ME3: variants seen among roughly 807,000 people sequenced by gnomAD.
The protein encoded by ME3 is malic enzyme 3.
Under a neutral mutation model 68.9 loss-of-function variants are expected in ME3, and 48 were observed. The ratio of observed to expected loss-of-function variants is 0.70; its 90% CI spans 0.55 to 0.89. ME3 has a LOEUF of 0.89. ME3 is among the 40% of genes least tolerant of loss of function. The probability of loss-of-function intolerance (pLI) is 0.00; values close to 1 mark genes in which losing one functional copy is unlikely to be tolerated. For missense variants in ME3, 675 were observed against 797.4 expected, an observed-to-expected ratio of 0.85 and a Z score of 1.85; for synonymous variants, 320 against 318.8, an observed-to-expected ratio of 1.00 and a Z score of -0.04.
intron 2 of ME3, among the ~76,000 whole-genome samples, chr11:86,596,153 T>C (rs1420439636): frequency 6.6e-6 from 1 of 152,248 alleles, no homozygotes; most frequent in East Asian, 1.9e-4. Context: ...TCAAAACCTA[T>C]GAAATTACAT....
chr11:86,634,752 T>C (rs1180074010), intron 2 of ME3, among the ~76,000 whole-genome samples: 1 of 152,214 alleles, frequency 6.6e-6, no homozygotes, highest in East Asian at 1.9e-4. Flanking sequence ...GCAGCTGGTT[T>C]GTCCATTGTC....
intron 3 of ME3, among the ~76,000 whole-genome samples, chr11:86,557,040 C>T (rs529528091): frequency 3.3e-5 from 5 of 152,252 alleles, no homozygotes; most frequent in African/African-American, 9.6e-5. Flanking sequence ...ATTCTCATGG[C>T]GTGTGGGAAT....
exon 6 of ME3, chr11:86,497,987 C>T: frequency 1.2e-6 from 2 of 1,605,484 alleles, no homozygotes; most frequent in Non-Finnish European, 1.7e-6. Flanking sequence ...CGACGTCCAG[C>T]AGCACAGGGA....
At chr11:86,527,129 C>A (rs1954818893) in intron 4 of ME3, among the ~76,000 whole-genome samples, 1 of 152,086 alleles carries the variant, frequency 6.6e-6, no homozygotes, top group African/African-American at 2.4e-5. Context: ...AAAGATTAGA[C>A]AAATGGCTTC....
chr11:86,452,381 T>C (rs1245028738), intron 8 of ME3, among the ~76,000 whole-genome samples: 1 of 152,218 alleles, frequency 6.6e-6, no homozygotes, highest in African/African-American at 2.4e-5. Flanking sequence ...CAGGGAGGAC[T>C]ATGTCTGAAG....
intron 2 of ME3, among the ~76,000 whole-genome samples, chr11:86,658,992 A>G (rs578259067): frequency 6.6e-6 from 1 of 152,380 alleles, no homozygotes; most frequent in Admixed American, 6.5e-5. Context: ...AAAAAAATCT[A>G]CTGCCTAGAA....
chr11:86,575,861 A>G (rs946887689), intron 2 of ME3, among the ~76,000 whole-genome samples: 12 of 152,250 alleles, frequency 7.9e-5, no homozygotes, highest in African/African-American at 2.7e-4. Flanking sequence ...AAAGTCTGTG[A>G]GTCCCACTTT....
chr11:86,482,069 C>T (rs563405490), intron 7 of ME3, among the ~76,000 whole-genome samples: 1 of 152,310 alleles, frequency 6.6e-6, no homozygotes, highest in East Asian at 1.9e-4. Context: ...ATCCATAGGA[C>T]ACAGTTCAGA....
chr11:86,587,226 G>C lies in ME3; in HGVS notation c.184-27403C>G, dbSNP rs561182395. Among the ~76,000 whole-genome samples, 5 of 152,342 alleles carry C rather than the reference G, an allele frequency of 3.3e-5. No individual in the cohort carries two copies. In the South Asian group the frequency reaches 8.3e-4, roughly 25 times the overall value. ...GAGGCCCAGGAGGCATTTGGCTTGAGGCCAGTGCAGTTTGCTTCAGCATGG... is the reference window on the plus strand; with the variant it reads ...GAGGCCCAGGAGGCATTTGGCTTGACGCCAGTGCAGTTTGCTTCAGCATGG... On this transcript the variant is annotated intron_variant, in intron 2 of 14. Transcript: ENST00000543262.
chr11:86,491,389 G>A (rs1952002118), intron 6 of ME3, among the ~76,000 whole-genome samples: 1 of 152,240 alleles, frequency 6.6e-6, no homozygotes, highest in African/African-American at 2.4e-5. Context: ...TCCTCCTGGA[G>A]GAGGTCAATT....
intron 2 of ME3, among the ~76,000 whole-genome samples, chr11:86,591,184 CTGGAGGAGT>C (rs11271121): frequency 0.29 from 43,604 of 151,766 alleles, 6,664 homozygotes; most frequent in Middle Eastern, 0.39. Flanking sequence ...TGCCAAAGCA[CTGGAGGAGT>C]TGGAGGAGTT....
chr11:86,547,935 G>A (rs1956461575), intron 4 of ME3, among the ~76,000 whole-genome samples: 1 of 152,192 alleles, frequency 6.6e-6, no homozygotes, highest in African/African-American at 2.4e-5. Context: ...AAATTGCCAG[G>A]GAATAATGCC....
chr11:86,610,437 TA>T (rs1273773068), intron 2 of ME3, among the ~76,000 whole-genome samples: 2 of 152,080 alleles, frequency 1.3e-5, no homozygotes, highest in African/African-American at 4.8e-5. Flanking sequence ...TGAGCCTAGA[TA>T]TTATGGGGAG....
chr11:86,658,180 A>C (rs1217848646), intron 2 of ME3, among the ~76,000 whole-genome samples: 1 of 151,426 alleles, frequency 6.6e-6, no homozygotes, highest in Non-Finnish European at 1.5e-5. Flanking sequence ...GCTGGAGTGC[A>C]GGGCGCGATC....
At chr11:86,656,746 A>C (rs1286578007) in intron 2 of ME3, among the ~76,000 whole-genome samples, 1 of 152,064 alleles carries the variant, frequency 6.6e-6, no homozygotes. Flanking sequence ...CTTAAAGTAT[A>C]ATAATAAAAA....
Position 86,585,270 on chromosome 11 carries a change from G to A in ME3, c.184-25447C>T, listed in dbSNP as rs1011741064. ...AAGATCATTTTGGCTGCAGTGAGGA[G>A]AATTTTTGGAAGGGTCCAAGAATGT... On this transcript the variant is annotated intron_variant, in intron 2 of 14. Transcript: ENST00000543262. Among the ~76,000 whole-genome samples, 3 of 152,320 alleles carry A rather than the reference G, an allele frequency of 2.0e-5. No individual in the cohort carries two copies. In the South Asian group the frequency reaches 6.2e-4, roughly 32 times the overall value.
Position 86,501,941 on chromosome 11 carries a change from T to C in ME3, c.544-3817A>G, listed in dbSNP as rs149559007. Among the ~76,000 whole-genome samples the C allele has an allele frequency of 2.1e-4, 32 of 152,344 alleles. No individual in the cohort carries two copies. The East Asian group carries it at 5.8e-3, about 28-fold the overall frequency. On this transcript the variant is annotated intron_variant, in intron 5 of 14. Coordinates refer to ENST00000543262, the Ensembl canonical transcript of ME3. Reference sequence around the variant, plus strand: ...ATTTTCCCCATTCCATTTCATTTTTTCTGAAGCATGCCCAGATATATCACT... The same window carrying C: ...ATTTTCCCCATTCCATTTCATTTTTCCTGAAGCATGCCCAGATATATCACT...
At chr11:86,654,473 T>G (rs934457962) in intron 2 of ME3, among the ~76,000 whole-genome samples, 3 of 152,172 alleles carry the variant, frequency 2.0e-5, no homozygotes, top group African/African-American at 7.2e-5. Flanking sequence ...ATCCAGCATA[T>G]AAACAGAACC....
chr11:86,604,605 T>A (rs919036224), intron 2 of ME3, among the ~76,000 whole-genome samples: 20 of 152,312 alleles, frequency 1.3e-4, no homozygotes, highest in African/African-American at 4.8e-4. Flanking sequence ...ATGATATAAA[T>A]GTAAATAGCT....
Sources: gnomAD v4.1 joint callset for allele counts (sites outside exome capture counted in the v4.1 genomes callset) on GRCh38, gnomAD v4.1.1 for gene constraint, MANE v1.5 for transcripts, NCBI Gene and HGNC (gene_info 2026-07-23, HGNC 2026-07-21) for gene names.